Variants in HLCS observed in about 807,000 individuals in gnomAD.
HLCS encodes biotin--protein ligase.
A neutral mutation model predicts 75.0 loss-of-function variants in HLCS; 53 were observed. That is an observed-to-expected ratio of 0.71 (90% CI 0.57 to 0.89). The LOEUF (loss-of-function observed/expected upper bound fraction) is 0.89. Among genes scored for constraint, HLCS ranks in the 40% least tolerant of loss-of-function variants. HLCS has a pLI of 0.00. For missense variants in HLCS, 966 were observed against 1,074.0 expected (o/e 0.90, Z 1.41); for synonymous variants, 431 against 428.6 (o/e 1.01, Z -0.07).
At chr21:36,794,188 G>A (rs1211618910) in intron 6 of HLCS, among the ~76,000 whole-genome samples, 1 of 152,252 alleles carries the variant, frequency 6.6e-6, no homozygotes, top group East Asian at 1.9e-4. Context: ...CTCTGGGGTT[G>A]TTTCTGTGAA....
intron 6 of HLCS, among the ~76,000 whole-genome samples, chr21:36,781,182 C>T (rs1670334755): frequency 6.7e-6 from 1 of 149,726 alleles, no homozygotes; most frequent in South Asian, 2.1e-4. Flanking sequence ...TGAGGTGGAG[C>T]TGAGGCGGAG....
At position 36,936,879 on chromosome 21, in the gene HLCS, C is replaced by A. The variant is rs1227719338; in HGVS notation, c.1007G>T (p.Cys336Phe). The A allele has an allele frequency of 6.2e-7, 1 of 1,614,192 alleles. No homozygotes were observed. Among genetic ancestry groups the A allele is most frequent in the South Asian group, 1.1e-5 (1 of 91,078 alleles). The change falls in exon 4 of 11, where the codon TGT (cysteine) becomes TTT (phenylalanine). Residue 336 changes from cysteine to phenylalanine, a missense_variant. Coordinates refer to ENST00000674895, the MANE Select transcript of HLCS (RefSeq NM_001352514.2). ...GAGAATATAACTGTCAATGTCCACA[C>A]AGTCGGCCAGCACAGACCGGACCTC... ...FHEVRSVLAD[C>F]VDIDSYILYH...
At chr21:36,825,362 T>C (rs1439846670) in intron 6 of HLCS, among the ~76,000 whole-genome samples, 2 of 152,190 alleles carry the variant, frequency 1.3e-5, no homozygotes, top group Non-Finnish European at 2.9e-5. Flanking sequence ...CACTCCAGCC[T>C]GGACAACAGA....
intron 5 of HLCS, among the ~76,000 whole-genome samples, chr21:36,898,521 C>T (rs953860836): frequency 6.8e-6 from 1 of 146,604 alleles, no homozygotes; most frequent in Non-Finnish European, 1.5e-5. Flanking sequence ...TTTTACAGAA[C>T]AGCCGGGCTG....
chr21:36,933,858 G>T (rs1668045000), intron 4 of HLCS, among the ~76,000 whole-genome samples: 1 of 152,222 alleles, frequency 6.6e-6, no homozygotes, highest in Non-Finnish European at 1.5e-5. Flanking sequence ...GCAGTGAATT[G>T]TATGAACTCG....
At chr21:36,957,841 A>G (rs1462064239) in intron 2 of HLCS, among the ~76,000 whole-genome samples, 3 of 151,146 alleles carry the variant, frequency 2.0e-5, no homozygotes, top group African/African-American at 7.3e-5. Context: ...AGGAAGGAGA[A>G]TGGCATGAAC....
intron 7 of HLCS, among the ~76,000 whole-genome samples, chr21:36,766,592 G>C (rs1026191420): frequency 1.3e-5 from 2 of 152,206 alleles, no homozygotes; most frequent in African/African-American, 2.4e-5. Flanking sequence ...AAGCACATGT[G>C]GGTGAGCCTG....
At chr21:36,798,035 C>T (rs2061081122) in intron 6 of HLCS, among the ~76,000 whole-genome samples, 2 of 152,160 alleles carry the variant, frequency 1.3e-5, no homozygotes, top group African/African-American at 4.8e-5. Context: ...CTCTGATAAG[C>T]TAACACGTGA....
At chr21:36,757,248 C>T (rs1394017981) in intron 9 of HLCS, among the ~76,000 whole-genome samples, 1 of 152,162 alleles carries the variant, frequency 6.6e-6, no homozygotes, top group Non-Finnish European at 1.5e-5. Flanking sequence ...TTGGTCATGG[C>T]ATAACCCTAG....
chr21:36,867,170 T>A (rs537291149), intron 6 of HLCS, among the ~76,000 whole-genome samples: 1 of 152,168 alleles, frequency 6.6e-6, no homozygotes, highest in Non-Finnish European at 1.5e-5. Context: ...CATGTACATA[T>A]ATCTGGGGGG....
intron 6 of HLCS, among the ~76,000 whole-genome samples, chr21:36,826,343 T>C (rs1237111412): frequency 6.6e-6 from 1 of 152,204 alleles, no homozygotes; most frequent in Admixed American, 6.5e-5. Flanking sequence ...CCCAGTGAGA[T>C]ACGTGGATCT....
At chr21:36,919,916 T>G (rs2066089478) in intron 5 of HLCS, among the ~76,000 whole-genome samples, 1 of 152,198 alleles carries the variant, frequency 6.6e-6, no homozygotes, top group Non-Finnish European at 1.5e-5. Flanking sequence ...AAAAAAAATT[T>G]TTTTTAGTCT....
intron 5 of HLCS, among the ~76,000 whole-genome samples, chr21:36,910,023 C>T (rs1363197744): frequency 6.6e-6 from 1 of 152,192 alleles, no homozygotes; most frequent in African/African-American, 2.4e-5. Context: ...GAAAATGAAT[C>T]ATCAAAGACA....
At chr21:36,880,971 T>C (rs1308734945) in intron 6 of HLCS, among the ~76,000 whole-genome samples, 2 of 151,574 alleles carry the variant, frequency 1.3e-5, no homozygotes, top group Non-Finnish European at 2.9e-5. Context: ...TGTTTGTTTG[T>C]TTGTTTGTTT....
intron 6 of HLCS, among the ~76,000 whole-genome samples, chr21:36,827,464 C>T (rs1444840098): frequency 4.6e-5 from 7 of 151,160 alleles, no homozygotes; most frequent in Admixed American, 1.3e-4. Context: ...ATCCCAGCTA[C>T]TCGGGAGGCT....
At chr21:36,870,929 G>A (rs1269985318) in intron 6 of HLCS, among the ~76,000 whole-genome samples, 1 of 152,182 alleles carries the variant, frequency 6.6e-6, no homozygotes, top group Non-Finnish European at 1.5e-5. Context: ...TTCAACTGGA[G>A]CCTTAGAGAG....
chr21:36,791,768 A>C (rs910164475), intron 6 of HLCS, among the ~76,000 whole-genome samples: 25 of 152,110 alleles, frequency 1.6e-4, no homozygotes, highest in African/African-American at 6.0e-4. Context: ...CGGCTGCTCC[A>C]AGGGGCCTGT....
chr21:36,941,293 T>C (rs1196657099), intron 2 of HLCS, among the ~76,000 whole-genome samples: 1 of 152,188 alleles, frequency 6.6e-6, no homozygotes. Context: ...ATACCTTGCT[T>C]CCCCCTTTGC....
At chr21:36,976,476 C>T (rs745418314) in intron 1 of HLCS, among the ~76,000 whole-genome samples, 3 of 151,992 alleles carry the variant, frequency 2.0e-5, no homozygotes, top group Non-Finnish European at 4.4e-5. Flanking sequence ...CCCAGCTACT[C>T]GGGAGGCTGA....
Sources: allele counts gnomAD v4.1 joint callset (sites outside exome capture counted in the v4.1 genomes callset), GRCh38; gene constraint gnomAD v4.1.1; transcripts MANE v1.5; gene names NCBI Gene and HGNC (gene_info 2026-07-23, HGNC 2026-07-21).